The following SDHAF2 variants were observed in gnomAD, a reference collection of about 807,000 sequenced individuals.
The protein encoded by SDHAF2 is succinate dehydrogenase assembly factor 2, mitochondrial.
In SDHAF2, 21 loss-of-function variants were observed where a neutral mutation model predicts 18.5. That is an observed-to-expected ratio of 1.13 (90% CI 0.80 to 1.63). SDHAF2 has a LOEUF of 1.63. Ranked by LOEUF, SDHAF2 falls within the 40% of genes most tolerant of loss-of-function variation. The pLI is 0.00. For synonymous variants in SDHAF2, 84 were observed against 70.7 expected, an observed-to-expected ratio of 1.19 and a Z score of -0.94; for missense variants, 195 against 200.3, an observed-to-expected ratio of 0.97 and a Z score of 0.16.
chr11:61,437,155 G>A (rs1386675369), intron 1 of SDHAF2, among the ~76,000 whole-genome samples: 1 of 152,134 alleles, frequency 6.6e-6, no homozygotes, highest in African/African-American at 2.4e-5. Context: ...CTGAGCCTCT[G>A]TTTCCTTGGC....
chr11:61,440,496 G>A (rs1465421902), intron 3 of SDHAF2, among the ~76,000 whole-genome samples: 2 of 152,068 alleles, frequency 1.3e-5, no homozygotes, highest in Non-Finnish European at 2.9e-5. Flanking sequence ...AGCTACTCGG[G>A]AGGCTGAGTC....
At chr11:61,442,215 C>T (rs1862076416) in intron 3 of SDHAF2, among the ~76,000 whole-genome samples, 1 of 152,116 alleles carries the variant, frequency 6.6e-6, no homozygotes, top group Admixed American at 6.5e-5. Flanking sequence ...TTGGAAGATA[C>T]TTTCACTGGA....
intron 1 of SDHAF2, chr11:61,433,028 ATTTT>A (rs1377728364): frequency 6.7e-6 from 1 of 149,648 alleles, no homozygotes; most frequent in South Asian, 2.1e-4. Context: ...CTCTCTATAT[ATTTT>A]TTTAATTTAA....
intron 3 of SDHAF2, among the ~76,000 whole-genome samples, chr11:61,445,222 A>G (rs939425383): frequency 1.3e-5 from 2 of 152,162 alleles, no homozygotes; most frequent in Admixed American, 1.3e-4. Flanking sequence ...TGTAATTGGC[A>G]TCTTAAATAA....
rs56917767 is a variant in SDHAF2 at position 61,438,430 on chromosome 11, C to A, written c.370+317C>A. On this transcript the variant is annotated intron_variant, in intron 3 of 3. Transcript: ENST00000301761. ...GTCAGGCTAGTCTCGAACTCCTGAC[C>A]TCAGGTGATCCGCCCGCCTCGGCCT... 1,378 of 413,060 alleles carry A rather than the reference C, an allele frequency of 3.3e-3. 16 individuals carry two copies. Among genetic ancestry groups the A allele is most frequent in the African/African-American group, 0.025 (1,250 of 49,182 alleles). 25.6% of individuals were successfully genotyped at this position (413,060 alleles called of 1,614,324 possible).
At chr11:61,430,545 T>G (rs1861862549) in intron 1 of SDHAF2, 1 of 375,884 alleles carries the variant, frequency 2.7e-6, no homozygotes, top group South Asian at 4.7e-5. Flanking sequence ...TTTTGTTTGT[T>G]TATAATTGAC....
chr11:61,445,531 A>G (rs1862127584), intron 3 of SDHAF2, among the ~76,000 whole-genome samples: 1 of 152,220 alleles, frequency 6.6e-6, no homozygotes, highest in Non-Finnish European at 1.5e-5. Context: ...GGGAAAACAC[A>G]ATGTCTGGGG....
intron 3 of SDHAF2, among the ~76,000 whole-genome samples, chr11:61,444,848 G>A (rs1862118844): frequency 6.6e-6 from 1 of 152,170 alleles, no homozygotes; most frequent in African/African-American, 2.4e-5. Context: ...CATGGCTCTC[G>A]TTTCTCCTTT....
chr11:61,440,390 A>G (rs1862049107), intron 3 of SDHAF2, among the ~76,000 whole-genome samples: 1 of 152,168 alleles, frequency 6.6e-6, no homozygotes, highest in South Asian at 2.1e-4. Flanking sequence ...ACCTGAGGCC[A>G]GGAGATCGAG....
intron 3 of SDHAF2, among the ~76,000 whole-genome samples, chr11:61,443,934 C>T (rs865901091): frequency 7.2e-5 from 11 of 152,150 alleles, no homozygotes; most frequent in Admixed American, 3.3e-4. Context: ...CCACCACGCC[C>T]GGCTAATTTT....
chr11:61,437,874 T>C (rs201884652), intron 2 of SDHAF2, 26 bp downstream of exon 2: 3 of 1,599,910 alleles, frequency 1.9e-6, no homozygotes, highest in East Asian at 4.5e-5. Flanking sequence ...TCTTTTTTTT[T>C]AAATCGGGCA....
At chr11:61,445,471 C>G (rs1017049389) in intron 3 of SDHAF2, among the ~76,000 whole-genome samples, 5 of 152,150 alleles carry the variant, frequency 3.3e-5, no homozygotes, top group Non-Finnish European at 7.4e-5. Context: ...GGACCTCTAA[C>G]TGATAGACAA....
At chr11:61,430,233 C>T in intron 1 of SDHAF2, 51 bp downstream of exon 1, 6 of 1,609,776 alleles carry the variant, frequency 3.7e-6, no homozygotes, top group Non-Finnish European at 5.1e-6. Flanking sequence ...GCGGGGATTA[C>T]CCTTTGTCTT....
At chr11:61,434,591 C>CTTTTTTTTTTTTTTTTTTTTTTTTTTT (rs549764688) in intron 1 of SDHAF2, 13 of 118,956 alleles carry the variant, frequency 1.1e-4, no homozygotes, top group South Asian at 5.2e-4. Flanking sequence ...CTTCTCATTC[C>CTTTTTTTTTTTTTTTTTTTTTTTTTTT]TTTTTTTTTT....
intron 1 of SDHAF2, chr11:61,430,531 A>G: frequency 2.4e-6 from 1 of 417,386 alleles, no homozygotes; most frequent in Non-Finnish European, 4.3e-6. Context: ...TAGTATCTTC[A>G]GCTTTTTGTT....
rs371469299 is a variant in SDHAF2, at chr11:61,437,860, G to A, written c.260+12G>A. ...TGCATTCTTCTTAGGTATGGGACTA[G>A]GAGTCTTTTTTTTTAAATCGGGCAG... On this transcript the variant is annotated intron_variant, in intron 2 of 3. Coordinates refer to ENST00000301761, the MANE Select transcript of SDHAF2 (RefSeq NM_017841.4). The A allele has an allele frequency of 1.8e-4, 288 of 1,610,406 alleles. No individual in the cohort carries two copies. In the African/African-American group the frequency reaches 3.1e-3, roughly 18 times the overall value.
intron 3 of SDHAF2, among the ~76,000 whole-genome samples, chr11:61,438,861 A>C (rs1862030052): frequency 6.6e-6 from 1 of 152,094 alleles, no homozygotes; most frequent in African/African-American, 2.4e-5. Flanking sequence ...CCTGGCCAAC[A>C]CAGCGAAACC....
At chr11:61,437,913 G>T (rs920160582) in intron 2 of SDHAF2, 65 bp downstream of exon 2, 13 of 1,563,056 alleles carry the variant, frequency 8.3e-6, no homozygotes, top group Middle Eastern at 4.2e-4. Flanking sequence ...GGTTCAGAGA[G>T]ACTCCCAGGA....
Position 61,443,758 on chromosome 11 carries a change from C to T in SDHAF2, c.371-2183C>T, listed in dbSNP as rs535133013. 2.0e-5 allele frequency among the ~76,000 whole-genome samples: 3 copies of T among 152,160 alleles called. No homozygotes were observed. In the South Asian group the frequency reaches 6.2e-4, roughly 32 times the overall value. On this transcript the variant is annotated intron_variant, in intron 3 of 3. Coordinates refer to ENST00000301761, the MANE Select transcript of SDHAF2 (RefSeq NM_017841.4). ...TCCTGAGTAGCTGAGACTACAATCA[C>T]GTGCCACCACACCTGGCTAATTTTT...
Sources: gnomAD v4.1 joint callset for allele counts (sites outside exome capture counted in the v4.1 genomes callset) on GRCh38, gnomAD v4.1.1 for gene constraint, MANE v1.5 for transcripts, NCBI Gene and HGNC (gene_info 2026-07-23, HGNC 2026-07-21) for gene names.